The following MMP7 variants were observed in gnomAD, a reference collection of about 807,000 sequenced individuals.
MMP7 encodes matrix metallopeptidase 7.
In MMP7, 26 loss-of-function variants were observed where a neutral mutation model predicts 31.5. The ratio of observed to expected loss-of-function variants is 0.83; its 90% CI spans 0.61 to 1.15. The LOEUF (loss-of-function observed/expected upper bound fraction) is 1.15. Among genes scored for constraint, MMP7 ranks in the 50% most tolerant of loss-of-function variants. The probability of loss-of-function intolerance (pLI) is 0.00; values close to 1 mark genes in which losing one functional copy is unlikely to be tolerated. For synonymous variants in MMP7, 142 were observed against 124.2 expected (o/e 1.14, Z -0.95); for missense variants, 367 against 326.5 (o/e 1.12, Z -0.96).
At chr11:102,524,772 A>G in intron 4 of MMP7, 164 bp downstream of exon 4, 1 of 668,712 alleles carries the variant, frequency 1.5e-6, no homozygotes, top group Non-Finnish European at 2.2e-6. Flanking sequence ...TGTGTGTAGC[A>G]TTATGAGTAT....
At chr11:102,529,509 C>G (rs1376831127) in intron 1 of MMP7, among the ~76,000 whole-genome samples, 1 of 152,122 alleles carries the variant, frequency 6.6e-6, no homozygotes, top group African/African-American at 2.4e-5. Flanking sequence ...CTGGAGAATT[C>G]ATTAGGTGGA....
rs752758617 is a variant in MMP7 at position 102,527,600 on chromosome 11, C to T, written c.408G>A (p.Trp136Ter). 7.4e-6 allele frequency: 12 copies of T among 1,613,996 alleles called. No individual in the cohort carries two copies. The Admixed American group carries it at 8.3e-5, about 11-fold the overall frequency. Reference sequence around the variant, plus strand: ...TGAAATGCAGGGGGATCTCTTTGCCCCACATGTTTAAAGCCTTTGACACTA... The same window carrying T: ...TGAAATGCAGGGGGATCTCTTTGCCTCACATGTTTAAAGCCTTTGACACTA... ...DRLVSKALNM[W>*]GKEIPLHFRK... The change falls in exon 3 of 6, where the codon TGG becomes TGA. Residue 136 changes from tryptophan (W) to a stop codon, truncating the protein, a stop_gained. Coordinates refer to ENST00000260227, the MANE Select transcript of MMP7 (RefSeq NM_002423.5). LOFTEE classifies it high-confidence loss of function.
At chr11:102,526,088 G>A (rs1421362147) in intron 3 of MMP7, among the ~76,000 whole-genome samples, 1 of 151,060 alleles carries the variant, frequency 6.6e-6, no homozygotes, top group Non-Finnish European at 1.5e-5. Flanking sequence ...CTCTAAATTT[G>A]CACCATGAAA....
At chr11:102,528,049 T>C in intron 1 of MMP7, 66 bp from the exon 2 acceptor site, 1 of 1,156,264 alleles carries the variant, frequency 8.6e-7, no homozygotes, top group Non-Finnish European at 1.2e-6. Context: ...TAGAAGCCTA[T>C]ATATCTCTTG....
Position 102,527,908 on chromosome 11 carries a change from T to C in MMP7, c.184A>G (p.Met62Val). ...ATAGGTAGGCCAAAGAATTTTTGCATCTCCTTGAGTTTGGCTTCTAAACTG... is the reference window on the plus strand; with the variant it reads ...ATAGGTAGGCCAAAGAATTTTTGCACCTCCTTGAGTTTGGCTTCTAAACTG... ...ANSLEAKLKEMQKFFGLPITG... is the reference protein window; with the variant it reads ...ANSLEAKLKEVQKFFGLPITG... Residue 62 changes from methionine to valine, a missense_variant, in exon 2 of 6, where the codon ATG (methionine) becomes GTG (valine). Coordinates refer to ENST00000260227, the MANE Select transcript of MMP7 (RefSeq NM_002423.5). The C allele has an allele frequency of 1.2e-6, 2 of 1,614,140 alleles. No individual in the cohort carries two copies. Among genetic ancestry groups the C allele is most frequent in the South Asian group, 1.1e-5 (1 of 91,082 alleles).
At chr11:102,526,241 T>TCCTC (rs59390667) in intron 3 of MMP7, among the ~76,000 whole-genome samples, 1 of 120,740 alleles carries the variant, frequency 8.3e-6, no homozygotes, top group Non-Finnish European at 1.7e-5. Flanking sequence ...TATATATATA[T>TCCTC]TTTTTTTTTT....
intron 4 of MMP7, among the ~76,000 whole-genome samples, chr11:102,524,016 T>C (rs1371291607): frequency 2.0e-5 from 3 of 152,208 alleles, no homozygotes; most frequent in Non-Finnish European, 4.4e-5. Flanking sequence ...ATATCCTTTG[T>C]TCTCCCTCAT....
At position 102,530,696 on chromosome 11, in the gene MMP7, C is replaced by G; in HGVS notation, c.5G>C (p.Arg2Pro). 2 of 1,613,144 alleles carry G rather than the reference C, an allele frequency of 1.2e-6. No individual in the cohort carries two copies. The highest frequency in any genetic ancestry group is 8.5e-7 in the Non-Finnish European group (1 of 1,179,670). M[R>P]LTVLCAVCLL... Reference sequence around the variant, plus strand: ...GCACACAGCACACAGCACGGTGAGTCGCATAGCTGCCGTCCAGAGACAATT... The same window carrying G: ...GCACACAGCACACAGCACGGTGAGTGGCATAGCTGCCGTCCAGAGACAATT... Residue 2 changes from arginine to proline, a missense_variant, in exon 1 of 6, where the codon CGA becomes CCA. Physicochemically the swap from Arg to Pro is moderately radical, Grantham distance 103 (BLOSUM62 -2). Transcript: ENST00000260227.
chr11:102,528,097 C>T (rs1414690867), intron 1 of MMP7, 114 bp from the exon 2 acceptor site: 2 of 761,076 alleles, frequency 2.6e-6, no homozygotes, highest in Non-Finnish European at 4.1e-6. Flanking sequence ...GATTTGAAGA[C>T]AGAATAATTA....
At position 102,527,863 on chromosome 11, in the gene MMP7, G is replaced by A. The variant is rs545507119; in HGVS notation, c.229C>T (p.Arg77Cys). The change falls in exon 2 of 6, where the codon CGC (arginine) becomes TGC (cysteine). Residue 77 changes from arginine (R) to cysteine (C), a missense_variant. Arg to Cys is a radical substitution (Grantham distance 180). Transcript: ENST00000260227. ...GLPITGMLNS[R>C]VIEIMQKPRC... ...GGCTTCTGCATTATTTCTATGACGC[G>A]GGAGTTTAACATTCCAGTTATAGGT... 1.7e-5 allele frequency: 28 copies of A among 1,614,044 alleles called. No homozygotes were observed. The highest frequency in any genetic ancestry group is 6.7e-5 in the African/African-American group (5 of 74,998).
At chr11:102,525,100 ATT>A (rs369325394) in intron 3 of MMP7, 36 bp from the exon 4 acceptor site, 4 of 1,487,110 alleles carry the variant, frequency 2.7e-6, no homozygotes, top group Admixed American at 2.1e-5. Context: ...TTAGTGACTG[ATT>A]TTTTTTTTCT....
intron 5 of MMP7, among the ~76,000 whole-genome samples, chr11:102,521,839 G>A (rs751452491): frequency 6.6e-6 from 1 of 152,142 alleles, no homozygotes; most frequent in Non-Finnish European, 1.5e-5. Flanking sequence ...ACAGTTTTAT[G>A]TAAGGGGAGG....
intron 3 of MMP7, among the ~76,000 whole-genome samples, chr11:102,526,240 ATTTTT>A (rs762318650): frequency 3.0e-5 from 4 of 131,492 alleles, no homozygotes; most frequent in African/African-American, 1.2e-4. Context: ...ATATATATAT[ATTTTT>A]TTTTTTTCTT....
At chr11:102,521,343 A>G (rs537785956) in intron 5 of MMP7, among the ~76,000 whole-genome samples, 2 of 152,216 alleles carry the variant, frequency 1.3e-5, no homozygotes, top group South Asian at 2.1e-4. Context: ...GACTACAGAC[A>G]TGCACCTTCA....
intron 3 of MMP7, among the ~76,000 whole-genome samples, chr11:102,525,946 T>G (rs1403359133): frequency 1.3e-5 from 2 of 151,850 alleles, no homozygotes. Flanking sequence ...CTTAAAAAAC[T>G]TGTAGTGCCA....
intron 5 of MMP7, among the ~76,000 whole-genome samples, chr11:102,522,398 G>A (rs1181001859): frequency 6.6e-6 from 1 of 152,202 alleles, no homozygotes; most frequent in Non-Finnish European, 1.5e-5. Context: ...TATATCTGCT[G>A]ATTTAAAGAT....
chr11:102,522,387 T>C (rs960798677), intron 5 of MMP7, among the ~76,000 whole-genome samples: 27 of 152,230 alleles, frequency 1.8e-4, no homozygotes. Flanking sequence ...CTAGGTTTAG[T>C]TATATCTGCT....
intron 4 of MMP7, 169 bp downstream of exon 4, chr11:102,524,767 G>GGT: frequency 1.7e-6 from 1 of 587,630 alleles, no homozygotes; most frequent in Non-Finnish European, 2.4e-6. Context: ...TCTTCTGTGT[G>GGT]TAGCATTATG....
intron 1 of MMP7, among the ~76,000 whole-genome samples, chr11:102,528,327 A>C (rs1858696801): frequency 6.6e-6 from 1 of 152,220 alleles, no homozygotes; most frequent in Admixed American, 6.5e-5. Flanking sequence ...CAGGGGTACG[A>C]CTGGGACATT....
Sources: allele counts gnomAD v4.1 joint callset (sites outside exome capture counted in the v4.1 genomes callset), GRCh38; gene constraint gnomAD v4.1.1; transcripts MANE v1.5; gene names NCBI Gene and HGNC (gene_info 2026-07-23, HGNC 2026-07-21).